Variants in ANKH observed in about 807,000 individuals in gnomAD.
ANKH encodes the protein ANKH inorganic pyrophosphate transport regulator, also known as mineralization regulator ANKH.
A neutral mutation model predicts 49.0 loss-of-function variants in ANKH; 15 were observed. The observed-to-expected ratio is 0.31, with a 90% CI of 0.20 to 0.47. The LOEUF (loss-of-function observed/expected upper bound fraction) is 0.47, where lower values mean the gene tolerates loss of function less well. Ranked by LOEUF, ANKH falls within the 20% of genes least tolerant of loss-of-function variation. The pLI is 1.00. For synonymous variants in ANKH, 273 were observed against 260.0 expected, an observed-to-expected ratio of 1.05 and a Z score of -0.48; for missense variants, 429 against 652.0, an observed-to-expected ratio of 0.66 and a Z score of 3.72.
intron 1 of ANKH, among the ~76,000 whole-genome samples, chr5:14,776,036 C>T (rs1204214344): frequency 6.6e-6 from 1 of 152,178 alleles, no homozygotes; most frequent in Non-Finnish European, 1.5e-5. Context: ...GTGGCAGGGA[C>T]TACACTTGGC....
Position 14,710,400 on chromosome 5 carries a change from G to GC in ANKH, c.*796dup, listed in dbSNP as rs1410380294. On this transcript the variant is annotated 3_prime_UTR_variant, in exon 12 of 12. Coordinates refer to ENST00000284268, the MANE Select transcript of ANKH (RefSeq NM_054027.6). ...GGCAGGGTCTGGAATCTGGAGATGC[G>GC]CTTTTGTGACAATTTAAAAAAGTTA... 6.6e-6 allele frequency: 1 copy of GC among 152,244 alleles called. No homozygotes were observed. The highest frequency in any genetic ancestry group is 2.4e-5 in the African/African-American group (1 of 41,452). 9.4% of individuals were successfully genotyped at this position (152,244 alleles called of 1,614,324 possible). A position where few individuals can be genotyped will look rare whatever the true frequency, so the allele number is the denominator to read the frequency against.
chr5:14,754,335 T>TG (rs1308837017), intron 4 of ANKH, among the ~76,000 whole-genome samples: 1 of 84,472 alleles, frequency 1.2e-5, no homozygotes, highest in Non-Finnish European at 2.4e-5. Flanking sequence ...AGTTAAGAGT[T>TG]TTTTTTTTTT....
Position 14,788,779 on chromosome 5 carries a change from A to G in ANKH, c.97-19588T>C, listed in dbSNP as rs931479817. 6.6e-5 allele frequency among the ~76,000 whole-genome samples: 10 copies of G among 152,208 alleles called. No individual in the cohort carries two copies. In the South Asian group the frequency reaches 1.0e-3, roughly 16 times the overall value. ...ACAGGGGGATAGCTACACAAGTCACACAGGTTAATAATACTAACTGATCAA... is the reference window on the plus strand; with the variant it reads ...ACAGGGGGATAGCTACACAAGTCACGCAGGTTAATAATACTAACTGATCAA... On this transcript the variant is annotated intron_variant, in intron 1 of 11. Coordinates refer to ENST00000284268, the MANE Select transcript of ANKH (RefSeq NM_054027.6).
intron 1 of ANKH, among the ~76,000 whole-genome samples, chr5:14,837,957 T>C (rs901986728): frequency 6.6e-6 from 1 of 152,202 alleles, no homozygotes; most frequent in Non-Finnish European, 1.5e-5. Flanking sequence ...GTTCATGTCC[T>C]TTGTAGGGAC....
chr5:14,838,165 T>G (rs1741711406), intron 1 of ANKH, among the ~76,000 whole-genome samples: 1 of 152,138 alleles, frequency 6.6e-6, no homozygotes. Context: ...CTAATGTAAG[T>G]GATGAGTTAA....
At chr5:14,765,099 T>G (rs1703868405) in intron 2 of ANKH, among the ~76,000 whole-genome samples, 1 of 152,230 alleles carries the variant, frequency 6.6e-6, no homozygotes, top group Admixed American at 6.5e-5. Flanking sequence ...GGTGTGGTGA[T>G]GGCAAACCCC....
chr5:14,765,542 G>C (rs1739233605), intron 2 of ANKH, among the ~76,000 whole-genome samples: 1 of 152,058 alleles, frequency 6.6e-6, no homozygotes, highest in African/African-American at 2.4e-5. Flanking sequence ...CTTGTCTGGG[G>C]AAATCCATTA....
Position 14,711,052 on chromosome 5 carries a change from T to TG in ANKH, c.*144dup. Reference sequence around the variant, plus strand: ...GAGCATACCCAGTATGCTAGAGAATTGACACGAAACCTTTAAATCAAGGCC... The same window carrying TG: ...GAGCATACCCAGTATGCTAGAGAATTGGACACGAAACCTTTAAATCAAGGCC... On this transcript the variant is annotated 3_prime_UTR_variant, in exon 12 of 12. Transcript: ENST00000284268. The TG allele has an allele frequency of 3.9e-6, 3 of 760,890 alleles. No homozygotes were observed. The highest frequency in any genetic ancestry group is 4.7e-6 in the Non-Finnish European group (2 of 425,396). 47.1% of individuals were successfully genotyped at this position (760,890 alleles called of 1,614,324 possible).
At chr5:14,845,348 GTA>G (rs752770046) in intron 1 of ANKH, among the ~76,000 whole-genome samples, 106 of 92,272 alleles carry the variant, frequency 1.1e-3, no homozygotes, top group African/African-American at 2.1e-3. Flanking sequence ...AGTTTCATGT[GTA>G]TATATATATA....
rs571954070 is a variant in ANKH, at chr5:14,808,227, T to C, written c.97-39036A>G. 7.2e-5 allele frequency among the ~76,000 whole-genome samples: 11 copies of C among 151,974 alleles called. No individual in the cohort carries two copies. In the East Asian group the frequency reaches 7.8e-4, roughly 11 times the overall value. ...ACTGTGAATAGTTGAGCATATTTTC[T>C]TCCAGCATTTTTTTCTACATGTACA... On this transcript the variant is annotated intron_variant, in intron 1 of 11. Coordinates refer to ENST00000284268, the MANE Select transcript of ANKH (RefSeq NM_054027.6).
At chr5:14,763,953 G>T (rs1247044049) in intron 2 of ANKH, among the ~76,000 whole-genome samples, 1 of 152,174 alleles carries the variant, frequency 6.6e-6, no homozygotes, top group Non-Finnish European at 1.5e-5. Context: ...GCTGGGTGAG[G>T]TGGCAGGTGC....
At chr5:14,761,295 G>C (rs1169794899) in intron 2 of ANKH, among the ~76,000 whole-genome samples, 1 of 152,146 alleles carries the variant, frequency 6.6e-6, no homozygotes, top group Admixed American at 6.5e-5. Flanking sequence ...GTGATACTTT[G>C]TTACGGCAGC....
intron 8 of ANKH, among the ~76,000 whole-genome samples, chr5:14,717,799 T>C (rs1489490388): frequency 6.6e-6 from 1 of 152,198 alleles, no homozygotes; most frequent in East Asian, 1.9e-4. Flanking sequence ...GCATTATACT[T>C]ACAGGTTACA....
intron 1 of ANKH, among the ~76,000 whole-genome samples, chr5:14,813,584 G>A (rs1171193970): frequency 6.6e-6 from 1 of 152,146 alleles, no homozygotes; most frequent in Non-Finnish European, 1.5e-5. Flanking sequence ...AAGATGATCT[G>A]TACTGACGTG....
intron 1 of ANKH, among the ~76,000 whole-genome samples, chr5:14,803,322 C>T (rs1011305719): frequency 2.6e-5 from 4 of 152,084 alleles, no homozygotes; most frequent in Non-Finnish European, 4.4e-5. Flanking sequence ...CTCTGTTGCC[C>T]GGGCTGGAGT....
chr5:14,813,627 C>A (rs1406154706), intron 1 of ANKH, among the ~76,000 whole-genome samples: 2 of 152,180 alleles, frequency 1.3e-5, no homozygotes, highest in Non-Finnish European at 2.9e-5. Context: ...TGGATCCTTA[C>A]TGTAGCCCCT....
rs971926648 is a variant in ANKH, at chr5:14,737,911, A to G, written c.1011+3916T>C. On this transcript the variant is annotated intron_variant, in intron 8 of 11. Coordinates refer to ENST00000284268, the MANE Select transcript of ANKH (RefSeq NM_054027.6). The surrounding 1 kb of genome is among the most constrained non-coding windows in gnomAD (Gnocchi z 5.0). ...TACCCCCTTTCTCATCCTCATGCCC[A>G]TCAGATGGTTTAGAGAGATCAATCA... Among the ~76,000 whole-genome samples the G allele has an allele frequency of 6.6e-6, 1 of 152,138 alleles. No homozygotes were observed. Among genetic ancestry groups the G allele is most frequent in the Non-Finnish European group, 1.5e-5 (1 of 68,020 alleles).
rs148224098 is a variant in ANKH, at chr5:14,822,496, T to G, written c.96+48856A>C. ...TAGCACTACCAGCAGAATCACATAA[T>G]GACCCTACATCGGGCCCATCTGCTC... On this transcript the variant is annotated intron_variant, in intron 1 of 11. Coordinates refer to ENST00000284268, the MANE Select transcript of ANKH (RefSeq NM_054027.6). Among the ~76,000 whole-genome samples the G allele has an allele frequency of 5.5e-3, 842 of 152,330 alleles. 11 individuals carry two copies. Among genetic ancestry groups the G allele is most frequent in the Non-Finnish European group, 5.8e-3 (395 of 68,036 alleles).
At chr5:14,831,261 T>C (rs1026166584) in intron 1 of ANKH, among the ~76,000 whole-genome samples, 2 of 152,130 alleles carry the variant, frequency 1.3e-5, no homozygotes, top group African/African-American at 2.4e-5. Flanking sequence ...TGCATTCCTA[T>C]TGGAGGAATT....
Sources: gnomAD v4.1 joint callset for allele counts (sites outside exome capture counted in the v4.1 genomes callset) on GRCh38, gnomAD v4.1.1 for gene constraint, Gnocchi (gnomAD v3.1) non-coding constraint, MANE v1.5 for transcripts, NCBI Gene and HGNC (gene_info 2026-07-23, HGNC 2026-07-21) for gene names.